The following INPP5A variants were observed in gnomAD, a reference collection of about 807,000 sequenced individuals.
The protein encoded by INPP5A is 43 kDa inositol polyphosphate 5-phophatase.
Under a neutral mutation model 65.2 loss-of-function variants are expected in INPP5A, and 14 were observed. The observed-to-expected ratio is 0.21, with a 90% CI of 0.14 to 0.34. INPP5A has a LOEUF of 0.34. Ranked by LOEUF, INPP5A falls within the 10% of genes least tolerant of loss-of-function variation. The pLI, the probability that INPP5A is intolerant of heterozygous loss-of-function variation, is 1.00. For synonymous variants in INPP5A, 207 were observed against 208.3 expected, an observed-to-expected ratio of 0.99 and a Z score of 0.05; for missense variants, 431 against 545.6, an observed-to-expected ratio of 0.79 and a Z score of 2.09.
intron 4 of INPP5A, among the ~76,000 whole-genome samples, chr10:132,680,819 T>G (rs1303326206): frequency 6.6e-6 from 1 of 152,264 alleles, no homozygotes; most frequent in African/African-American, 2.4e-5. Flanking sequence ...GAGGGTGTAC[T>G]GGGTCCCCCA....
intron 3 of INPP5A, among the ~76,000 whole-genome samples, chr10:132,646,759 C>A (rs2072500122): frequency 6.6e-6 from 1 of 152,186 alleles, no homozygotes; most frequent in South Asian, 2.1e-4. Context: ...AAAGCTGCCA[C>A]ACTCTGTGGG....
At chr10:132,760,376 T>G (rs1373027849) in intron 11 of INPP5A, among the ~76,000 whole-genome samples, 1 of 152,248 alleles carries the variant, frequency 6.6e-6, no homozygotes, top group Non-Finnish European at 1.5e-5. Context: ...GCGATGGTCC[T>G]TCTGGGCTCC....
intron 6 of INPP5A, among the ~76,000 whole-genome samples, chr10:132,701,388 C>T (rs1215973733): frequency 6.6e-6 from 1 of 152,182 alleles, no homozygotes; most frequent in East Asian, 1.9e-4. Context: ...TGAGGGCTCC[C>T]CAAGTGAGGG....
chr10:132,746,324 T>A (rs995479769), intron 9 of INPP5A, among the ~76,000 whole-genome samples: 43 of 152,242 alleles, frequency 2.8e-4, no homozygotes, highest in Non-Finnish European at 7.3e-5. Flanking sequence ...AGGATGTGTT[T>A]GCCTTTAGTA....
intron 10 of INPP5A, 67 bp downstream of exon 10, chr10:132,749,679 G>A: frequency 6.2e-7 from 1 of 1,600,116 alleles, no homozygotes; most frequent in Non-Finnish European, 8.6e-7. Context: ...GCTTCCTTCA[G>A]AGCCGCCCTG....
intron 12 of INPP5A, among the ~76,000 whole-genome samples, chr10:132,776,706 C>G (rs1261620267): frequency 6.6e-6 from 1 of 152,188 alleles, no homozygotes; most frequent in African/African-American, 2.4e-5. Flanking sequence ...TCAGTGCAGT[C>G]CCAAGCAACA....
intron 2 of INPP5A, 129 bp downstream of exon 2, chr10:132,608,085 C>G: frequency 1.3e-6 from 1 of 785,844 alleles, no homozygotes; most frequent in Non-Finnish European, 2.2e-6. Context: ...GGCTGGGTCT[C>G]TCGGCTCCGC....
At chr10:132,611,545 G>C (rs1329674461) in intron 2 of INPP5A, among the ~76,000 whole-genome samples, 1 of 142,300 alleles carries the variant, frequency 7.0e-6, no homozygotes, top group Non-Finnish European at 1.5e-5. Context: ...GTCAGGGGAG[G>C]GTGAGGGAGG....
chr10:132,758,841 C>T (rs1406569389), intron 11 of INPP5A, among the ~76,000 whole-genome samples: 4 of 152,222 alleles, frequency 2.6e-5, no homozygotes, highest in African/African-American at 9.6e-5. Context: ...TCTCCTGTGG[C>T]TGTGGGACTC....
intron 12 of INPP5A, among the ~76,000 whole-genome samples, chr10:132,775,898 G>A (rs1310153414): frequency 1.3e-5 from 2 of 152,206 alleles, no homozygotes; most frequent in East Asian, 3.8e-4. Flanking sequence ...CATGAGGAGG[G>A]AGAACTGGTT....
chr10:132,749,926 T>A, intron 11 of INPP5A, 81 bp downstream of exon 11: 1 of 1,220,082 alleles, frequency 8.2e-7, no homozygotes, highest in Non-Finnish European at 1.2e-6. Context: ...TCTGCTTACC[T>A]GGGACCACCC....
At chr10:132,714,164 C>T (rs1845698362) in intron 8 of INPP5A, among the ~76,000 whole-genome samples, 1 of 152,218 alleles carries the variant, frequency 6.6e-6, no homozygotes, top group Non-Finnish European at 1.5e-5. Context: ...GCCATGGCTC[C>T]GCGGCCTCAA....
chr10:132,712,102 G>T (rs1845646843), intron 8 of INPP5A, among the ~76,000 whole-genome samples: 1 of 152,232 alleles, frequency 6.6e-6, no homozygotes, highest in African/African-American at 2.4e-5. Context: ...ACGTCCTGAG[G>T]GGTCCCTAAG....
chr10:132,774,844 TAGGGAGAGACGGGCAGGGAGGAGGGGC>T (rs1184152353), intron 12 of INPP5A, among the ~76,000 whole-genome samples: 20 of 31,392 alleles, frequency 6.4e-4, no homozygotes, highest in African/African-American at 2.3e-3. Flanking sequence ...GAGAGAGGGG[TAGGGAGAGACGGGCAGGGAGGAGGGGC>T]AGGGAGGAGA....
chr10:132,690,226 A>G (rs1321668549), intron 4 of INPP5A, among the ~76,000 whole-genome samples, 166 bp from the exon 5 acceptor site: 1 of 152,272 alleles, frequency 6.6e-6, no homozygotes, highest in Non-Finnish European at 1.5e-5. Flanking sequence ...GGGTGTTTGC[A>G]GGTTACCTCT....
intron 9 of INPP5A, among the ~76,000 whole-genome samples, chr10:132,732,211 T>A (rs1357595476): frequency 6.6e-6 from 1 of 152,268 alleles, no homozygotes; most frequent in Admixed American, 6.5e-5. Flanking sequence ...CTGCGCTGTT[T>A]GTCTGCCATT....
intron 4 of INPP5A, among the ~76,000 whole-genome samples, chr10:132,660,163 G>A (rs1176943212): frequency 1.3e-5 from 2 of 152,216 alleles, no homozygotes; most frequent in Non-Finnish European, 2.9e-5. Context: ...GGTGAGAGAT[G>A]GAGTGTGTGT....
intron 1 of INPP5A, among the ~76,000 whole-genome samples, chr10:132,542,281 G>A (rs1056407955): frequency 6.6e-6 from 1 of 152,232 alleles, no homozygotes; most frequent in East Asian, 1.9e-4. Flanking sequence ...TTTGCAGAAC[G>A]GCTGTGAGAG....
intron 4 of INPP5A, among the ~76,000 whole-genome samples, chr10:132,679,760 A>G (rs949806318): frequency 3.9e-5 from 6 of 152,216 alleles, no homozygotes; most frequent in African/African-American, 1.4e-4. Context: ...AATAATCTTA[A>G]AAAGAGATGC....
Sources: gnomAD v4.1 joint callset for allele counts (sites outside exome capture counted in the v4.1 genomes callset) on GRCh38, gnomAD v4.1.1 for gene constraint, MANE v1.5 for transcripts, NCBI Gene and HGNC (gene_info 2026-07-23, HGNC 2026-07-21) for gene names.